ZBTB16: variants seen among roughly 807,000 people sequenced by gnomAD.
ZBTB16 encodes the protein zinc finger and BTB domain containing 16, also known as zinc finger and BTB domain-containing protein 16.
In ZBTB16, 8 loss-of-function variants were observed where a neutral mutation model predicts 56.8. That is an observed-to-expected ratio of 0.14 (90% CI 0.08 to 0.25). The LOEUF (loss-of-function observed/expected upper bound fraction) is 0.25, where lower values mean the gene tolerates loss of function less well. Among genes scored for constraint, ZBTB16 ranks in the 10% least tolerant of loss-of-function variants. ZBTB16 has a pLI of 1.00. For synonymous variants in ZBTB16, 363 were observed against 368.5 expected, an observed-to-expected ratio of 0.98 and a Z score of 0.17; for missense variants, 625 against 903.0, an observed-to-expected ratio of 0.69 and a Z score of 3.95.
Position 114,063,138 on chromosome 11 carries a change from C to T in ZBTB16, c.-90-73C>T. 1.3e-6 allele frequency: 1 copy of T among 775,750 alleles called. No individual in the cohort carries two copies. Among genetic ancestry groups the T allele is most frequent in the East Asian group, 2.7e-5 (1 of 37,286 alleles). 48.1% of individuals were successfully genotyped at this position (775,750 alleles called of 1,614,324 possible). On this transcript the variant is annotated intron_variant, in intron 1 of 6. Transcript: ENST00000335953. This position sits in a 1 kb window ranked among gnomAD's most constrained non-coding sequence, Gnocchi z 6.5. ...GCATGTTGTAGTGGTTGAATTCTTA[C>T]TTTTAGGGACACTGATGAATTTGTC...
intron 1 of ZBTB16, among the ~76,000 whole-genome samples, chr11:114,062,952 A>G (rs1481556224): frequency 6.6e-6 from 1 of 152,214 alleles, no homozygotes; most frequent in Non-Finnish European, 1.5e-5. Flanking sequence ...TTCATCTAAC[A>G]GATGTCATAG....
rs552407617 is a variant in ZBTB16, at chr11:114,250,806, T to C, written c.*251T>C. On this transcript the variant is annotated 3_prime_UTR_variant, in exon 7 of 7. Coordinates refer to ENST00000335953, the MANE Select transcript of ZBTB16 (RefSeq NM_006006.6). This position sits in a 1 kb window ranked among gnomAD's most constrained non-coding sequence, Gnocchi z 6.0. Reference sequence around the variant, plus strand: ...GTTTGCCTGATTTTCTGGGATGGGGTTGGGTATTTTGTTCACTCAAATGGT... The same window carrying C: ...GTTTGCCTGATTTTCTGGGATGGGGCTGGGTATTTTGTTCACTCAAATGGT... The C allele has an allele frequency of 1.4e-5, 8 of 557,182 alleles. No individual in the cohort carries two copies. The highest frequency in any genetic ancestry group is 3.1e-5 in the East Asian group (1 of 32,656). 34.5% of individuals were successfully genotyped at this position (557,182 alleles called of 1,614,324 possible).
At chr11:114,097,254 C>T (rs1440883811) in intron 2 of ZBTB16, among the ~76,000 whole-genome samples, 3 of 152,092 alleles carry the variant, frequency 2.0e-5, no homozygotes, top group African/African-American at 7.2e-5. Context: ...TTATATAAAG[C>T]AAATTTGTAG....
chr11:114,203,425 G>A (rs568763856), intron 4 of ZBTB16, among the ~76,000 whole-genome samples: 9 of 151,978 alleles, frequency 5.9e-5, no homozygotes, highest in Admixed American at 2.6e-4. Flanking sequence ...TAAAAGGGCC[G>A]GGCACAGTGG....
intron 2 of ZBTB16, among the ~76,000 whole-genome samples, chr11:114,125,220 C>G (rs1468390396): frequency 1.3e-5 from 2 of 152,182 alleles, no homozygotes; most frequent in African/African-American, 4.8e-5. Flanking sequence ...CAGCTCTCCT[C>G]TAGGGAAATG....
chr11:114,168,622 C>T (rs945963337), intron 3 of ZBTB16, among the ~76,000 whole-genome samples: 2 of 152,236 alleles, frequency 1.3e-5, no homozygotes, highest in Admixed American at 6.5e-5. Flanking sequence ...TTCAATCTCC[C>T]TCTCTTTCTC....
intron 3 of ZBTB16, among the ~76,000 whole-genome samples, chr11:114,162,284 G>C (rs1231729941): frequency 1.3e-5 from 2 of 152,186 alleles, no homozygotes; most frequent in Non-Finnish European, 2.9e-5. Flanking sequence ...GCTTGTCCTT[G>C]TTCTGTTTTA....
At chr11:114,203,148 T>C (rs1943774480) in intron 4 of ZBTB16, among the ~76,000 whole-genome samples, 2 of 152,286 alleles carry the variant, frequency 1.3e-5, no homozygotes, top group African/African-American at 2.4e-5. Flanking sequence ...TATTGATGCA[T>C]GTTACAGCAT....
chr11:114,203,745 A>G (rs1170349356), intron 4 of ZBTB16, among the ~76,000 whole-genome samples: 1 of 152,202 alleles, frequency 6.6e-6, no homozygotes, highest in Non-Finnish European at 1.5e-5. Context: ...GCTTTGCATC[A>G]TAGTGACCAT....
chr11:114,061,384 C>T (rs1054443839), intron 1 of ZBTB16: 13 of 152,222 alleles, frequency 8.5e-5, no homozygotes, highest in Non-Finnish European at 1.6e-4. Context: ...TCAGAAACCC[C>T]GATGTCTGCG....
rs1171408261 is a variant in ZBTB16, at chr11:114,251,084, G to C, written c.*529G>C. On this transcript the variant is annotated 3_prime_UTR_variant, in exon 7 of 7. Coordinates refer to ENST00000335953, the MANE Select transcript of ZBTB16 (RefSeq NM_006006.6). Reference sequence around the variant, plus strand: ...CTGGCGGCTGACTGGGGAGGAGAAGGGCTCTGTTTCTCTTCCCACCACTCA... The same window carrying C: ...CTGGCGGCTGACTGGGGAGGAGAAGCGCTCTGTTTCTCTTCCCACCACTCA... 6.6e-6 allele frequency among the ~76,000 whole-genome samples: 1 copy of C among 152,132 alleles called. No homozygotes were observed. The highest frequency in any genetic ancestry group is 1.5e-5 in the Non-Finnish European group (1 of 68,002).
At chr11:114,070,647 C>T (rs79297463) in intron 2 of ZBTB16, among the ~76,000 whole-genome samples, 1,870 of 152,290 alleles carry the variant, frequency 0.012, 35 homozygotes, top group East Asian at 0.045. Context: ...GAGCATTGCT[C>T]TTCTGGGTCA....
At position 114,204,756 on chromosome 11, in the gene ZBTB16, T is replaced by C. The variant is rs560918867; in HGVS notation, c.1453+17718T>C. On this transcript the variant is annotated intron_variant, in intron 4 of 6. Coordinates refer to ENST00000335953, the MANE Select transcript of ZBTB16 (RefSeq NM_006006.6). Reference sequence around the variant, plus strand: ...ATAAACTGGGCCCGCCAAGCAGTTTTGCAGTAGCTGTTTACTCGACCATCC... The same window carrying C: ...ATAAACTGGGCCCGCCAAGCAGTTTCGCAGTAGCTGTTTACTCGACCATCC... Among the ~76,000 whole-genome samples the C allele has an allele frequency of 4.6e-5, 7 of 152,294 alleles. No homozygotes were observed. The East Asian group carries it at 1.4e-3, about 30-fold the overall frequency.
rs1261988836 is a variant in ZBTB16 at position 114,112,768 on chromosome 11, T to G, written c.1269-43569T>G. Among the ~76,000 whole-genome samples the G allele has an allele frequency of 2.7e-5, 4 of 150,582 alleles. No homozygotes were observed. The East Asian group carries it at 7.8e-4, about 29-fold the overall frequency. Reference sequence around the variant, plus strand: ...TTCACACAGTTCATTTTCTTTTTTTTTTTTTTTTTTTAAGACAGGGTCTCG... The same window carrying G: ...TTCACACAGTTCATTTTCTTTTTTTGTTTTTTTTTTTAAGACAGGGTCTCG... On this transcript the variant is annotated intron_variant, in intron 2 of 6. Coordinates refer to ENST00000335953, the MANE Select transcript of ZBTB16 (RefSeq NM_006006.6).
intron 2 of ZBTB16, among the ~76,000 whole-genome samples, chr11:114,086,281 C>A (rs926430053): frequency 2.0e-5 from 3 of 152,070 alleles, no homozygotes; most frequent in African/African-American, 7.2e-5. Context: ...TTCACTACTC[C>A]CCCACCCCCA....
intron 4 of ZBTB16, chr11:114,188,725 A>G (rs912461449): frequency 6.6e-6 from 1 of 152,250 alleles, no homozygotes; most frequent in Non-Finnish European, 1.5e-5. Context: ...GCTGGGAGAC[A>G]GAATCAGCAA....
chr11:114,064,418 G>T lies in ZBTB16; in HGVS notation c.1118G>T (p.Gly373Val). Reference protein sequence around the residue: ...AVSMDFSTYGGLLPQGFIQRE... With the variant: ...AVSMDFSTYGVLLPQGFIQRE... ...TCCATGGACTTCAGCACCTATGGGG[G>T]GCTGCTGCCCCAGGGCTTCATCCAG... Residue 373 changes from glycine to valine, a missense_variant, in exon 2 of 7, where the codon GGG becomes GTG. Gly to Val is a moderately radical substitution (Grantham distance 109, BLOSUM62 -3). This residue lies in a region of ZBTB16 where 384 missense variants were observed against 393.5 expected (regional missense o/e 0.98). Transcript: ENST00000335953. The surrounding 1 kb of genome is among the most constrained non-coding windows in gnomAD (Gnocchi z 4.2). 1 of 1,614,120 alleles carries T rather than the reference G, an allele frequency of 6.2e-7. No individual in the cohort carries two copies. The highest frequency in any genetic ancestry group is 8.5e-7 in the Non-Finnish European group (1 of 1,180,034).
In ZBTB16 at chr11:114,143,541, G is replaced by C. The variant is rs943803601; in HGVS notation, c.1269-12796G>C. Among the ~76,000 whole-genome samples, 2 of 152,162 alleles carry C rather than the reference G, an allele frequency of 1.3e-5. No homozygotes were observed. The highest frequency in any genetic ancestry group is 3.9e-4 in the East Asian group (2 of 5,192). ...TTTGGAAGTATCAGGTTCCTGCAGG[G>C]AGATTACACAAAAATGTAGAAAAAA... On this transcript the variant is annotated intron_variant, in intron 2 of 6. Coordinates refer to ENST00000335953, the MANE Select transcript of ZBTB16 (RefSeq NM_006006.6). The surrounding 1 kb of genome is among the most constrained non-coding windows in gnomAD (Gnocchi z 6.4).
intron 1 of ZBTB16, among the ~76,000 whole-genome samples, chr11:114,062,835 T>C (rs1460452534): frequency 6.6e-6 from 1 of 152,228 alleles, no homozygotes; most frequent in African/African-American, 2.4e-5. Flanking sequence ...TAATTTTAAG[T>C]AAGTGCACTT....
Sources: gnomAD v4.1 joint callset for allele counts (sites outside exome capture counted in the v4.1 genomes callset) on GRCh38, gnomAD v4.1.1 for gene constraint, gnomAD v4.1.1 regional missense constraint, Gnocchi (gnomAD v3.1) non-coding constraint, MANE v1.5 for transcripts, NCBI Gene and HGNC (gene_info 2026-07-23, HGNC 2026-07-21) for gene names.